The following PABPC4L variants were observed in gnomAD, a reference collection of about 807,000 sequenced individuals.
PABPC4L encodes polyadenylate-binding protein 4-like.
For synonymous variants in PABPC4L, 169 were observed against 164.1 expected, an observed-to-expected ratio of 1.03 and a Z score of -0.23; for missense variants, 452 against 451.4, an observed-to-expected ratio of 1.00 and a Z score of -0.01.
chr4:133,950,497 T>C, the PABPC4L span, among the ~76,000 whole-genome samples: 7 of 152,168 alleles, frequency 4.6e-5, no homozygotes, highest in African/African-American at 7.2e-5. Flanking sequence ...TCTTCAATAT[T>C]GCATGACACA....
At chr4:134,039,688 A>T in the PABPC4L span, among the ~76,000 whole-genome samples, 1 of 151,700 alleles carries the variant, frequency 6.6e-6, no homozygotes, top group Admixed American at 6.6e-5. Context: ...ATATTCCTCT[A>T]TCCCTTTATG....
At chr4:134,055,080 G>T in the PABPC4L span, among the ~76,000 whole-genome samples, 1 of 151,780 alleles carries the variant, frequency 6.6e-6, no homozygotes, top group Non-Finnish European at 1.5e-5. Flanking sequence ...GCATTTTCCT[G>T]GTTACTAATG....
the PABPC4L span, among the ~76,000 whole-genome samples, chr4:133,970,074 A>AT: frequency 1.4e-4 from 17 of 123,458 alleles, no homozygotes; most frequent in African/African-American, 4.2e-4. Context: ...AATATTTAAA[A>AT]AATATATATA....
chr4:134,006,280 A>G, the PABPC4L span, among the ~76,000 whole-genome samples: 1 of 151,900 alleles, frequency 6.6e-6, no homozygotes, highest in Admixed American at 6.6e-5. Context: ...TTAAGCTAGT[A>G]TTGTATGTAT....
At chr4:134,012,846 C>A in the PABPC4L span, among the ~76,000 whole-genome samples, 1 of 152,132 alleles carries the variant, frequency 6.6e-6, no homozygotes, top group Non-Finnish European at 1.5e-5. Context: ...GTCTTGGTGC[C>A]ACACTTCAAT....
the PABPC4L span, among the ~76,000 whole-genome samples, chr4:133,968,175 G>A: frequency 6.6e-6 from 1 of 152,274 alleles, no homozygotes; most frequent in Middle Eastern, 3.4e-3. Flanking sequence ...CTAGACCAGA[G>A]AAATTTGCTT....
chr4:133,965,100 G>A, the PABPC4L span, among the ~76,000 whole-genome samples: 1 of 152,180 alleles, frequency 6.6e-6, no homozygotes, highest in South Asian at 2.1e-4. Flanking sequence ...TCCTAGAACT[G>A]ACAAAATAAT....
At chr4:134,032,951 T>C in the PABPC4L span, among the ~76,000 whole-genome samples, 1 of 151,564 alleles carries the variant, frequency 6.6e-6, no homozygotes, top group Non-Finnish European at 1.5e-5. Context: ...AGTTACTTCA[T>C]TGATTTCTAA....
Position 134,200,756 on chromosome 4 carries a change from G to A in PABPC4L, c.264C>T (p.Arg88=), listed in dbSNP as rs746989490. 9.7e-6 allele frequency: 15 copies of A among 1,551,566 alleles called. No homozygotes were observed. In the South Asian group the frequency reaches 1.2e-4, roughly 12 times the overall value. Residue 88 remains arginine, a synonymous_variant, in exon 2 of 2, where the codon CGC becomes CGT. Transcript: ENST00000421491. ...TTCCAGATCTCCTCAAGTAGGCATC[G>A]CGCTGAGACCACATGAGACGGATGG... ...GKSIRLMWSQ[R]DAYLRRSGIG... is the part of the protein sequence containing the mutation.
downstream of PABPC4L, among the ~76,000 whole-genome samples, chr4:134,194,902 T>A (rs909250115): frequency 6.6e-6 from 1 of 151,682 alleles, no homozygotes; most frequent in Non-Finnish European, 1.5e-5. Flanking sequence ...ATTTTAAGAG[T>A]AATGGAAGGC....
the PABPC4L span, among the ~76,000 whole-genome samples, chr4:133,989,657 T>C: frequency 6.6e-6 from 1 of 152,142 alleles, no homozygotes; most frequent in Non-Finnish European, 1.5e-5. Context: ...TGTCTTCTTC[T>C]GAGCCCTCCA....
chr4:133,976,105 C>T, the PABPC4L span, among the ~76,000 whole-genome samples: 1 of 152,052 alleles, frequency 6.6e-6, no homozygotes, highest in Non-Finnish European at 1.5e-5. Context: ...GATGCTCTCC[C>T]CTGCCACCTT....
Position 134,199,838 on chromosome 4 carries a change from T to C in PABPC4L, c.*69A>G. ...GGAATATGAAATTTACTGAGGTCAA[T>C]TCAGGCAGAGATCACTATCATTCTC... On this transcript the variant is annotated 3_prime_UTR_variant, in exon 2 of 2. Transcript: ENST00000421491. The C allele has an allele frequency of 6.6e-7, 1 of 1,509,338 alleles. No individual in the cohort carries two copies. The highest frequency in any genetic ancestry group is 1.4e-5 in the African/African-American group (1 of 71,030). 93.5% of individuals were successfully genotyped at this position (1,509,338 alleles called of 1,614,324 possible).
At chr4:134,072,670 G>T in the PABPC4L span, among the ~76,000 whole-genome samples, 1 of 152,036 alleles carries the variant, frequency 6.6e-6, no homozygotes, top group African/African-American at 2.4e-5. Context: ...CTGGACTTGG[G>T]TATGAAAAAA....
chr4:134,079,620 C>T, the PABPC4L span, among the ~76,000 whole-genome samples: 5 of 123,888 alleles, frequency 4.0e-5, no homozygotes, highest in Non-Finnish European at 8.7e-5. Flanking sequence ...AACTGTGCAT[C>T]TTTTAAAACT....
At chr4:134,126,058 C>A in the PABPC4L span, among the ~76,000 whole-genome samples, 1 of 152,016 alleles carries the variant, frequency 6.6e-6, no homozygotes, top group African/African-American at 2.4e-5. Context: ...ATTTGTAGGA[C>A]TTATATTCTT....
the PABPC4L span, among the ~76,000 whole-genome samples, chr4:134,099,141 G>C: frequency 2.0e-5 from 3 of 151,688 alleles, no homozygotes; most frequent in Non-Finnish European, 4.4e-5. Context: ...GAGTTAATAA[G>C]AGTAGTTTCC....
the PABPC4L span, among the ~76,000 whole-genome samples, chr4:134,183,562 C>T: frequency 1.3e-5 from 2 of 151,256 alleles, no homozygotes; most frequent in Admixed American, 1.3e-4. Flanking sequence ...ACCCCTGAGA[C>T]ACAAAATTTA....
At chr4:134,050,161 T>A in the PABPC4L span, among the ~76,000 whole-genome samples, 45 of 152,104 alleles carry the variant, frequency 3.0e-4, 1 homozygote, top group African/African-American at 1.1e-3. Flanking sequence ...TTAAAAAATT[T>A]TTTTCAACAT....
Sources: allele counts gnomAD v4.1 joint callset (sites outside exome capture counted in the v4.1 genomes callset), GRCh38; gene constraint gnomAD v4.1.1; transcripts MANE v1.5; gene names NCBI Gene and HGNC (gene_info 2026-07-23, HGNC 2026-07-21).